The following USP37 variants were observed in gnomAD, a reference collection of about 807,000 sequenced individuals.
USP37 encodes ubiquitin specific peptidase 37.
A neutral mutation model predicts 124.0 loss-of-function variants in USP37; 27 were observed. The observed-to-expected ratio is 0.22, with a 90% confidence interval of 0.16 to 0.30. The LOEUF is 0.30. Ranked by LOEUF, USP37 falls within the 10% of genes least tolerant of loss-of-function variation. The pLI, the probability that USP37 is intolerant of heterozygous loss-of-function variation, is 1.00. For synonymous variants in USP37, 365 were observed against 388.0 expected (o/e 0.94, Z 0.70); for missense variants, 889 against 1,140.4 (o/e 0.78, Z 3.17).
At chr2:218,552,655 A>G (rs1692729315) in intron 5 of USP37, among the ~76,000 whole-genome samples, 1 of 152,204 alleles carries the variant, frequency 6.6e-6, no homozygotes, top group South Asian at 2.1e-4. Flanking sequence ...TTAAAAGAAA[A>G]AAAAACCACT....
chr2:218,538,559 A>T (rs765622203), intron 8 of USP37, among the ~76,000 whole-genome samples: 23 of 152,210 alleles, frequency 1.5e-4, no homozygotes, highest in Non-Finnish European at 2.8e-4. Flanking sequence ...TTATTTCCAC[A>T]AAGGGACCAT....
intron 10 of USP37, among the ~76,000 whole-genome samples, chr2:218,529,387 T>G (rs2106024197): frequency 6.6e-6 from 1 of 150,540 alleles, no homozygotes; most frequent in Non-Finnish European, 1.5e-5. Flanking sequence ...ATCCCAGCTA[T>G]GTGGGAGGCT....
At position 218,553,703 on chromosome 2, in the gene USP37, C is replaced by T; in HGVS notation, c.178G>A (p.Val60Met). Reference sequence around the variant, plus strand: ...TTCGCTCCACTGGGTCGAAGCACCACATTTTTAATGTTATGACTTAGCTAA... The same window carrying T: ...TTCGCTCCACTGGGTCGAAGCACCATATTTTTAATGTTATGACTTAGCTAA... ...IFQLSHNIKNVVLRPSGAKQS... is the reference protein window; with the variant it reads ...IFQLSHNIKNMVLRPSGAKQS... Residue 60 changes from valine (V) to methionine (M), a missense_variant, in exon 5 of 26, where the codon GTG becomes ATG. By Grantham distance (21) the Val-to-Met change is conservative (BLOSUM62 1). Around this residue, in one of 3 missense-constraint regions of USP37, gnomAD observed 374 missense variants for 386.0 expected, o/e 0.97. Coordinates refer to ENST00000258399, the MANE Select transcript of USP37 (RefSeq NM_020935.3). The T allele has an allele frequency of 6.2e-7, 1 of 1,610,874 alleles. No homozygotes were observed. Among genetic ancestry groups the T allele is most frequent in the South Asian group, 1.1e-5 (1 of 90,510 alleles).
chr2:218,504,563 T>C (rs1487179114), intron 11 of USP37, among the ~76,000 whole-genome samples: 2 of 152,006 alleles, frequency 1.3e-5, no homozygotes, highest in Non-Finnish European at 1.5e-5. Context: ...GTAGCTGGGA[T>C]TAAAGACATG....
intron 11 of USP37, among the ~76,000 whole-genome samples, chr2:218,506,576 C>A (rs1321745161): frequency 6.6e-6 from 1 of 150,696 alleles, no homozygotes; most frequent in Non-Finnish European, 1.5e-5. Flanking sequence ...TGAGCCACCA[C>A]GCCCGGCCCT....
At chr2:218,538,656 G>T (rs1691795877) in intron 8 of USP37, among the ~76,000 whole-genome samples, 1 of 152,162 alleles carries the variant, frequency 6.6e-6, no homozygotes, top group Non-Finnish European at 1.5e-5. Flanking sequence ...GCTGCTGAAT[G>T]TCCAGTTGGT....
At chr2:218,543,859 A>C (rs1692145470) in intron 8 of USP37, among the ~76,000 whole-genome samples, 1 of 152,184 alleles carries the variant, frequency 6.6e-6, no homozygotes, top group Non-Finnish European at 1.5e-5. Flanking sequence ...TCTCTGTGCC[A>C]AGAACCTAGA....
chr2:218,464,010 C>G (rs1270968848), intron 21 of USP37, among the ~76,000 whole-genome samples: 1 of 150,556 alleles, frequency 6.6e-6, no homozygotes, highest in Non-Finnish European at 1.5e-5. Context: ...TGCGTGCCAC[C>G]ACACCCAGTT....
At chr2:218,489,868 T>C (rs1188901300) in intron 14 of USP37, among the ~76,000 whole-genome samples, 1 of 152,228 alleles carries the variant, frequency 6.6e-6, no homozygotes, top group Non-Finnish European at 1.5e-5. Flanking sequence ...ATATGTTTTC[T>C]TTTAGTTGGC....
rs61488353 is a variant in USP37, at chr2:218,557,930, C to CAAAAAAAAAAAAA, written c.156+555_156+567dup. Among the ~76,000 whole-genome samples, 27 of 35,664 alleles carry CAAAAAAAAAAAAA rather than the reference C, an allele frequency of 7.6e-4. 1 individual carries two copies. The highest frequency in any genetic ancestry group is 1.5e-3 in the African/African-American group (18 of 12,018). 23.4% of individuals were successfully genotyped at this position (35,664 alleles called of 152,430 possible). Reference sequence around the variant, plus strand: ...TGGGTGACAGAGGAAGACTCTGTCTCAAAAAAAAAAAAAAAAAAAAGGTGA... The same window carrying CAAAAAAAAAAAAA: ...TGGGTGACAGAGGAAGACTCTGTCTCAAAAAAAAAAAAAAAAAAAAAAAAAAAAAAAAAGGTGA... On this transcript the variant is annotated intron_variant, in intron 4 of 25. Coordinates refer to ENST00000258399, the MANE Select transcript of USP37 (RefSeq NM_020935.3).
rs1689769666 is a variant in USP37, at chr2:218,508,010, G to C, written c.1025+1969C>G. Among the ~76,000 whole-genome samples, 2 of 152,226 alleles carry C rather than the reference G, an allele frequency of 1.3e-5. 1 individual carries two copies. The highest frequency in any genetic ancestry group is 1.3e-4 in the Admixed American group (2 of 15,286). ...AAATTATTTTTCATGGAATCCCTTA[G>C]GCTCCCTTCCCTAACTCTCAGCACC... is the stretch of plus-strand genomic sequence containing the variant. On this transcript the variant is annotated intron_variant, in intron 11 of 25. Transcript: ENST00000258399.
intron 14 of USP37, among the ~76,000 whole-genome samples, chr2:218,494,868 A>G (rs1688986368): frequency 6.6e-6 from 1 of 152,180 alleles, no homozygotes; most frequent in Admixed American, 6.5e-5. Flanking sequence ...AACATTGCAA[A>G]AGGTAAAAAT....
rs998901676 is a variant in USP37, at chr2:218,549,857, C to G, written c.381G>C (p.Arg127Ser). The change falls in exon 6 of 26, where the codon AGG (arginine) becomes AGC (serine). Residue 127 changes from arginine (R) to serine (S), a missense_variant. Physicochemically the swap from Arg to Ser is moderately radical, Grantham distance 110. Coordinates refer to ENST00000258399, the MANE Select transcript of USP37 (RefSeq NM_020935.3). ...GCCTGCTGGTTTCCTTCTGTGAGGT[C>G]CTGCTGCCCAGAATGGCTCCAAAAC... Reference protein sequence around the residue: ...SGSFGAILGSRTSQKETSRQL... With the variant: ...SGSFGAILGSSTSQKETSRQL... The G allele has an allele frequency of 1.2e-6, 2 of 1,613,210 alleles. No homozygotes were observed. The highest frequency in any genetic ancestry group is 2.7e-5 in the African/African-American group (2 of 74,898).
chr2:218,528,803 G>A (rs1432804501), intron 10 of USP37: 4 of 29,726 alleles, frequency 1.3e-4, no homozygotes, highest in Non-Finnish European at 2.2e-4. Context: ...CAATAAATCT[G>A]AAAAAAAAAA....
intron 10 of USP37, chr2:218,528,922 A>T: frequency 2.5e-6 from 1 of 401,830 alleles, no homozygotes. Flanking sequence ...CTGCTGTAAT[A>T]CAGCTTTTGA....
chr2:218,482,362 C>T lies in USP37; in HGVS notation c.1671-128G>A, dbSNP rs73990496. ...AATCCATTTGGCCAAACCAAAGACACGTCAAAGAATATTTACTGAATACCT... is the reference window on the plus strand; with the variant it reads ...AATCCATTTGGCCAAACCAAAGACATGTCAAAGAATATTTACTGAATACCT... On this transcript the variant is annotated intron_variant, in intron 16 of 25. Transcript: ENST00000258399. 4,578 of 988,386 alleles carry T rather than the reference C, an allele frequency of 4.6e-3. 130 individuals are homozygous for T. In the African/African-American group the frequency reaches 0.065, roughly 14 times the overall value. The allele number at this position is 988,386 out of a possible 1,614,324, so 61.2% of individuals were successfully genotyped here.
At chr2:218,461,393 C>A (rs1332806780) in intron 22 of USP37, among the ~76,000 whole-genome samples, 4 of 152,006 alleles carry the variant, frequency 2.6e-5, no homozygotes, top group Non-Finnish European at 5.9e-5. Flanking sequence ...GTAATCCCAG[C>A]TACTTGGGAG....
intron 10 of USP37, among the ~76,000 whole-genome samples, chr2:218,515,419 C>T (rs1690223533): frequency 6.6e-6 from 1 of 152,130 alleles, no homozygotes; most frequent in South Asian, 2.1e-4. Context: ...TGATCTTTGA[C>T]AAACCTGACA....
At chr2:218,468,324 C>T (rs137952563) in intron 20 of USP37, among the ~76,000 whole-genome samples, 10 of 152,116 alleles carry the variant, frequency 6.6e-5, no homozygotes, top group Non-Finnish European at 1.5e-4. Context: ...CCTGCCTCAG[C>T]CTCCCAAGTA....
Sources: allele counts gnomAD v4.1 joint callset (sites outside exome capture counted in the v4.1 genomes callset), GRCh38; gene constraint gnomAD v4.1.1; regional missense constraint gnomAD v4.1.1; transcripts MANE v1.5; gene names NCBI Gene and HGNC (gene_info 2026-07-23, HGNC 2026-07-21).